TMEM108: variants seen among roughly 807,000 people sequenced by gnomAD.
The protein encoded by TMEM108 is cancer/testis antigen 124.
In TMEM108, 12 loss-of-function variants were observed where a neutral mutation model predicts 35.1. That is an observed-to-expected ratio of 0.34 (90% CI 0.22 to 0.55). The LOEUF is 0.55. TMEM108 is among the 20% of genes least tolerant of loss of function. The pLI is 0.89. For synonymous variants in TMEM108, 287 were observed against 308.6 expected (o/e 0.93, Z 0.73); for missense variants, 680 against 753.3 (o/e 0.90, Z 1.14).
chr3:133,296,210 C>T (rs1947143457), intron 3 of TMEM108, among the ~76,000 whole-genome samples: 1 of 152,034 alleles, frequency 6.6e-6, no homozygotes. Flanking sequence ...TCCTATATAT[C>T]AAAGGCAGGC....
At chr3:133,241,741 A>C (rs1411493516) in intron 3 of TMEM108, among the ~76,000 whole-genome samples, 1 of 150,922 alleles carries the variant, frequency 6.6e-6, no homozygotes, top group African/African-American at 2.4e-5. Flanking sequence ...CAGCCTCCCA[A>C]GTAGCTGGGA....
At chr3:133,246,969 A>G (rs144334998) in intron 3 of TMEM108, 55 of 152,348 alleles carry the variant, frequency 3.6e-4, no homozygotes, top group African/African-American at 1.2e-3. Context: ...TAACTTAATT[A>G]CCAAGTGACA....
chr3:133,127,567 A>C (rs887610906), intron 2 of TMEM108, among the ~76,000 whole-genome samples: 1 of 152,034 alleles, frequency 6.6e-6, no homozygotes, highest in Non-Finnish European at 1.5e-5. Context: ...CACTATCTCC[A>C]CCCTTGTTCC....
At chr3:133,276,306 G>C (rs560540504) in intron 3 of TMEM108, among the ~76,000 whole-genome samples, 1 of 152,190 alleles carries the variant, frequency 6.6e-6, no homozygotes. Flanking sequence ...CCAGCCAAGG[G>C]AGTGTAAGGG....
chr3:133,213,449 A>G (rs926933371), intron 2 of TMEM108, among the ~76,000 whole-genome samples: 4 of 152,192 alleles, frequency 2.6e-5, no homozygotes, highest in Non-Finnish European at 4.4e-5. Flanking sequence ...CTGAATTACT[A>G]CTTAGCACAA....
chr3:133,160,266 T>C (rs528414243), intron 2 of TMEM108, among the ~76,000 whole-genome samples: 8 of 152,298 alleles, frequency 5.3e-5, no homozygotes, highest in African/African-American at 1.9e-4. Context: ...CGCTGCTCAG[T>C]GGAATCACAT....
chr3:133,054,909 G>A (rs565268941), intron 2 of TMEM108, among the ~76,000 whole-genome samples: 16 of 152,322 alleles, frequency 1.1e-4, no homozygotes, highest in Non-Finnish European at 1.0e-4. Context: ...TTAGAGAAAT[G>A]CAGCTTTTGT....
At chr3:133,281,203 C>A (rs1409444962) in intron 3 of TMEM108, among the ~76,000 whole-genome samples, 2 of 151,464 alleles carry the variant, frequency 1.3e-5, no homozygotes, top group African/African-American at 4.8e-5. Flanking sequence ...AACTGCAGGG[C>A]AAAAAAAGAG....
intron 2 of TMEM108, among the ~76,000 whole-genome samples, chr3:133,213,193 A>G (rs1945859200): frequency 6.6e-6 from 1 of 152,178 alleles, no homozygotes; most frequent in Admixed American, 6.5e-5. Flanking sequence ...CAAATAACCA[A>G]AAGCAGCATG....
intron 2 of TMEM108, among the ~76,000 whole-genome samples, chr3:133,207,131 TCAGGGCC>T (rs1463836448): frequency 6.6e-6 from 1 of 152,154 alleles, no homozygotes; most frequent in East Asian, 1.9e-4. Flanking sequence ...TACTCAAGCC[TCAGGGCC>T]CTGGTGTTGC....
chr3:133,227,902 A>C (rs931845295), intron 2 of TMEM108, among the ~76,000 whole-genome samples: 4 of 152,126 alleles, frequency 2.6e-5, no homozygotes, highest in Non-Finnish European at 4.4e-5. Context: ...TCAAAAAAAA[A>C]CATAAAATAA....
Position 133,380,043 on chromosome 3 carries a change from G to C in TMEM108, c.332G>C (p.Ser111Thr). 1 of 1,613,810 alleles carries C rather than the reference G, an allele frequency of 6.2e-7. No homozygotes were observed. Among genetic ancestry groups the C allele is most frequent in the South Asian group, 1.1e-5 (1 of 91,058 alleles). Residue 111 changes from serine (S) to threonine (T), a missense_variant, in exon 4 of 6, where the codon AGC becomes ACC. Coordinates refer to ENST00000321871, the MANE Select transcript of TMEM108 (RefSeq NM_023943.4). The surrounding 1 kb of genome is among the most constrained non-coding windows in gnomAD (Gnocchi z 5.3). ...ACAGTAACCGCCCCCCATTCTGAAA[G>C]CTCCCTGTCCACAGGGCCCGCTCCA... Reference protein sequence around the residue: ...AATVTAPHSESSLSTGPAPAA... With the variant: ...AATVTAPHSETSLSTGPAPAA...
At chr3:133,290,327 A>G (rs1947045336) in intron 3 of TMEM108, among the ~76,000 whole-genome samples, 1 of 152,200 alleles carries the variant, frequency 6.6e-6, no homozygotes, top group Admixed American at 6.5e-5. Flanking sequence ...TCTTCTCTTC[A>G]TAAGCTGATT....
chr3:133,304,195 T>C (rs1181374594), intron 3 of TMEM108, among the ~76,000 whole-genome samples: 1 of 152,176 alleles, frequency 6.6e-6, no homozygotes, highest in African/African-American at 2.4e-5. Context: ...TTTTCCCTCA[T>C]GTGTATAATA....
intron 2 of TMEM108, among the ~76,000 whole-genome samples, chr3:133,073,573 T>G (rs1356910331): frequency 1.4e-5 from 2 of 147,346 alleles, no homozygotes; most frequent in East Asian, 2.0e-4. Flanking sequence ...GATGGTCACT[T>G]AAGTTGATCT....
At chr3:133,121,691 T>C (rs1944353975) in intron 2 of TMEM108, among the ~76,000 whole-genome samples, 1 of 152,238 alleles carries the variant, frequency 6.6e-6, no homozygotes. Flanking sequence ...TCATTATGTC[T>C]GGCTTTCAGA....
intron 3 of TMEM108, among the ~76,000 whole-genome samples, chr3:133,358,964 T>C (rs13091006): frequency 0.14 from 20,977 of 152,016 alleles, 1,541 homozygotes; most frequent in South Asian, 0.22. Flanking sequence ...AGATCAGGAG[T>C]TGGCAAACTA....
intron 2 of TMEM108, among the ~76,000 whole-genome samples, chr3:133,193,938 C>CTTTT (rs34225124): frequency 3.6e-5 from 5 of 139,642 alleles, no homozygotes; most frequent in African/African-American, 2.7e-5. Context: ...AACATTGATT[C>CTTTT]TTTTTTTTTT....
chr3:133,290,211 C>T (rs1947043579), intron 3 of TMEM108, among the ~76,000 whole-genome samples: 1 of 152,182 alleles, frequency 6.6e-6, no homozygotes, highest in African/African-American at 2.4e-5. Flanking sequence ...GGGAAGGCGT[C>T]CCTAAGCTGA....
Sources: allele counts gnomAD v4.1 joint callset (sites outside exome capture counted in the v4.1 genomes callset), GRCh38; gene constraint gnomAD v4.1.1; non-coding constraint Gnocchi (gnomAD v3.1); transcripts MANE v1.5; gene names NCBI Gene and HGNC (gene_info 2026-07-23, HGNC 2026-07-21).